The following TMEM94 variants were observed in gnomAD, a reference collection of about 807,000 sequenced individuals.
TMEM94 encodes the protein transmembrane protein 94, also known as ER Mg2+ ATPase.
Under a neutral mutation model 158.6 loss-of-function variants are expected in TMEM94, and 81 were observed. That is an observed-to-expected ratio of 0.51 (90% confidence interval 0.43 to 0.61). The LOEUF (loss-of-function observed/expected upper bound fraction) is 0.61, where lower values mean the gene tolerates loss of function less well. Among genes scored for constraint, TMEM94 ranks in the 20% least tolerant of loss-of-function variants. TMEM94 has a pLI of 0.00. For missense variants in TMEM94, 1,435 were observed against 1,762.0 expected, an observed-to-expected ratio of 0.81 and a Z score of 3.32; for synonymous variants, 751 against 730.7, an observed-to-expected ratio of 1.03 and a Z score of -0.45.
At chr17:75,490,077 CAAA>C (rs10712311) in intron 9 of TMEM94, 154 bp from the exon 10 acceptor site, 6,415 of 778,542 alleles carry the variant, frequency 8.2e-3, no homozygotes, top group South Asian at 0.012. Context: ...GACTCCGTCT[CAAA>C]AAAAAAAAAA....
intron 5 of TMEM94, among the ~76,000 whole-genome samples, chr17:75,486,877 T>C (rs1225696143): frequency 6.6e-6 from 1 of 151,338 alleles, no homozygotes; most frequent in East Asian, 1.9e-4. Context: ...GGGAGGGGAG[T>C]GGCTTGGATT....
At chr17:75,478,444 C>T (rs1024368958) in intron 2 of TMEM94, among the ~76,000 whole-genome samples, 4 of 151,810 alleles carry the variant, frequency 2.6e-5, no homozygotes, top group Non-Finnish European at 5.9e-5. Context: ...CTGACGGAAG[C>T]GGCACAGGAG....
In TMEM94 at chr17:75,491,920, C is replaced by T. The variant is rs372890860; in HGVS notation, c.1596+20C>T. 2.6e-5 allele frequency: 41 copies of T among 1,594,114 alleles called. No homozygotes were observed. The highest frequency in any genetic ancestry group is 3.4e-4 in the Middle Eastern group (2 of 5,924). On this transcript the variant is annotated intron_variant, in intron 14 of 31. Transcript: ENST00000314256. The surrounding 1 kb of genome is among the most constrained non-coding windows in gnomAD (Gnocchi z 5.1). ...AGCAAGGTGACGGGAGGGGGTGGCA[C>T]GGGGCAGCCACACCCTCGGCCACAG...
At position 75,498,335 on chromosome 17, in the gene TMEM94, C is replaced by T. The variant is rs778104679; in HGVS notation, c.3638+12C>T. ...GTCATGCTGCCCAGGTGGGTCCCAGCCCCAGAGATCCACCCATCGCCTGCC... is the reference window on the plus strand; with the variant it reads ...GTCATGCTGCCCAGGTGGGTCCCAGTCCCAGAGATCCACCCATCGCCTGCC... On this transcript the variant is annotated intron_variant, in intron 28 of 31. Coordinates refer to ENST00000314256, the MANE Select transcript of TMEM94 (RefSeq NM_014738.6). This position sits in a 1 kb window ranked among gnomAD's most constrained non-coding sequence, Gnocchi z 6.7. 5 of 1,612,894 alleles carry T rather than the reference C, an allele frequency of 3.1e-6. No individual in the cohort carries two copies. The highest frequency in any genetic ancestry group is 3.4e-6 in the Non-Finnish European group (4 of 1,179,986).
In TMEM94 at chr17:75,499,012, T is replaced by C. The variant is rs772454073; in HGVS notation, c.3928T>C (p.Trp1310Arg). 1 of 1,604,176 alleles carries C rather than the reference T, an allele frequency of 6.2e-7. No homozygotes were observed. Among genetic ancestry groups the C allele is most frequent in the African/African-American group, 1.3e-5 (1 of 74,958 alleles). The change falls in exon 31 of 32, where the codon TGG (tryptophan) becomes CGG (arginine). Residue 1310 changes from tryptophan to arginine, a missense_variant. Around this residue, in one of 3 missense-constraint regions of TMEM94, gnomAD observed 335 missense variants for 409.1 expected, o/e 0.82. Coordinates refer to ENST00000314256, the MANE Select transcript of TMEM94 (RefSeq NM_014738.6). ...CCTGGAGGACGTGCCCCTGCTGACATGGCTCCTGGGCTGCCTGTCCCTGGT... is the reference window on the plus strand; with the variant it reads ...CCTGGAGGACGTGCCCCTGCTGACACGGCTCCTGGGCTGCCTGTCCCTGGT... The part of the protein sequence containing the change: ...FGLEDVPLLT[W>R]LLGCLSLVLV...
chr17:75,470,666 C>T (rs2050463425), intron 1 of TMEM94, among the ~76,000 whole-genome samples: 1 of 151,672 alleles, frequency 6.6e-6, no homozygotes, highest in South Asian at 2.1e-4. Flanking sequence ...GATCGCGCCA[C>T]TGCACTCCAG....
chr17:75,465,679 A>ATATATATATTTTT (rs1247855961), intron 1 of TMEM94, among the ~76,000 whole-genome samples: 16 of 124,846 alleles, frequency 1.3e-4, no homozygotes, highest in Non-Finnish European at 1.1e-4. Flanking sequence ...ATATATATAT[A>ATATATATATTTTT]TTTTTTTTTA....
chr17:75,462,702 G>T (rs1339595772), intron 1 of TMEM94, among the ~76,000 whole-genome samples: 1 of 149,902 alleles, frequency 6.7e-6, no homozygotes, highest in African/African-American at 2.5e-5. Context: ...AAAATATACA[G>T]TTCTAGGCTT....
chr17:75,493,878 T>G lies in TMEM94; in HGVS notation c.2369T>G (p.Ile790Ser), dbSNP rs770096188. 1 of 1,612,146 alleles carries G rather than the reference T, an allele frequency of 6.2e-7. No individual in the cohort carries two copies. ...TGCGAGCTGCCCAGCACCATCCCCA[T>G]CAAGCAGAACGCCCGCCGCAGCAGC... ...TMCELPSTIP[I>S]KQNARRSSWS... Residue 790 changes from isoleucine (I) to serine (S), a missense_variant, in exon 18 of 32, where the codon ATC becomes AGC. Physicochemically the swap from Ile to Ser is moderately radical, Grantham distance 142. Around this residue, in one of 3 missense-constraint regions of TMEM94, gnomAD observed 1,051 missense variants for 1,254.4 expected, o/e 0.84. Transcript: ENST00000314256.
intron 24 of TMEM94, 124 bp from the exon 25 acceptor site, chr17:75,496,606 A>T: frequency 2.9e-6 from 4 of 1,380,804 alleles, no homozygotes; most frequent in Non-Finnish European, 4.1e-6. Context: ...AGGCAGTTAC[A>T]TTCGCCTCTG....
At chr17:75,467,248 T>G (rs2050337550) in intron 1 of TMEM94, among the ~76,000 whole-genome samples, 1 of 152,192 alleles carries the variant, frequency 6.6e-6, no homozygotes, top group Middle Eastern at 3.4e-3. Flanking sequence ...GTGCTGGGGT[T>G]ACAGGTGTGA....
chr17:75,493,866 G>T lies in TMEM94; in HGVS notation c.2357G>T (p.Ser786Ile). 1 of 1,612,854 alleles carries T rather than the reference G, an allele frequency of 6.2e-7. No individual in the cohort carries two copies. The highest frequency in any genetic ancestry group is 8.5e-7 in the Non-Finnish European group (1 of 1,180,020). Residue 786 changes from serine (S) to isoleucine (I), a missense_variant, in exon 18 of 32, where the codon AGC (serine) becomes ATC (isoleucine). This residue lies in a region of TMEM94 where 1,051 missense variants were observed against 1,254.4 expected (regional missense o/e 0.84). Transcript: ENST00000314256. ...SSIFTMCELP[S>I]TIPIKQNARR... ...ATCTTCACCATGTGCGAGCTGCCCA[G>T]CACCATCCCCATCAAGCAGAACGCC...
chr17:75,471,872 A>T lies in TMEM94; in HGVS notation c.-34A>T. ...GAGCCTTCCTTTCAGGGGTGACCAC[A>T]TTCATCTGGGCATGCCTGCAGTACT... is the stretch of plus-strand genomic sequence containing the variant. On this transcript the variant is annotated 5_prime_UTR_variant, in exon 2 of 32. Coordinates refer to ENST00000314256, the MANE Select transcript of TMEM94 (RefSeq NM_014738.6). The T allele has an allele frequency of 6.2e-7, 1 of 1,613,664 alleles. No individual in the cohort carries two copies. The highest frequency in any genetic ancestry group is 8.5e-7 in the Non-Finnish European group (1 of 1,179,698).
At chr17:75,490,923 C>T (rs1209166560) in intron 11 of TMEM94, 126 bp from the exon 12 acceptor site, 1 of 941,086 alleles carries the variant, frequency 1.1e-6, no homozygotes. Context: ...TGTCCACACC[C>T]TGTCCCAGAG....
rs1422323450 is a variant in TMEM94 at position 75,491,611 on chromosome 17, A to C, written c.1387-80A>C. The C allele has an allele frequency of 9.6e-6, 15 of 1,556,940 alleles. No individual in the cohort carries two copies. Among genetic ancestry groups the C allele is most frequent in the Non-Finnish European group, 1.3e-5 (15 of 1,136,588 alleles). ...TGGGCAGGTGAGGTGAAGACAAGGC[A>C]GCCAGGGGACCTAGAAGCATCCTGC... On this transcript the variant is annotated intron_variant, in intron 13 of 31. Transcript: ENST00000314256. This position sits in a 1 kb window ranked among gnomAD's most constrained non-coding sequence, Gnocchi z 5.1.
Position 75,498,063 on chromosome 17 carries a change from C to A in TMEM94, c.3490-112C>A. 2 of 1,426,948 alleles carry A rather than the reference C, an allele frequency of 1.4e-6. No homozygotes were observed. The allele number at this position is 1,426,948 out of a possible 1,614,324, so 88.4% of individuals were successfully genotyped here. ...AGACCCTTGCTGGGGCTTGAGCTCC[C>A]TATCCCCCCAGGCCTGACCATTTAC... On this transcript the variant is annotated intron_variant, in intron 27 of 31. Transcript: ENST00000314256. This position sits in a 1 kb window ranked among gnomAD's most constrained non-coding sequence, Gnocchi z 6.7.
chr17:75,493,122 G>C lies in TMEM94; in HGVS notation c.2086+20G>C, dbSNP rs368434040. 3 of 1,609,402 alleles carry C rather than the reference G, an allele frequency of 1.9e-6. No individual in the cohort carries two copies. The African/African-American group carries it at 4.0e-5, about 21-fold the overall frequency. ...CCACCAGTGAGCCCTGGCTACGTTG[G>C]CCAGCACCAGGCGAGACCTTCCAGA... On this transcript the variant is annotated intron_variant, in intron 16 of 31. Transcript: ENST00000314256.
In TMEM94 at chr17:75,488,825, C is replaced by G. The variant is rs1483007537; in HGVS notation, c.679C>G (p.Arg227Gly). ...FPPFSPPPSPRGEVERGPQSP... is the reference protein window; with the variant it reads ...FPPFSPPPSPGGEVERGPQSP... ...CCCCTTCTCCCCTCCACCCTCACCCCGGGGAGAAGTGGAGAGAGGGCCACA... is the reference window on the plus strand; with the variant it reads ...CCCCTTCTCCCCTCCACCCTCACCCGGGGGAGAAGTGGAGAGAGGGCCACA... Residue 227 changes from arginine to glycine, a missense_variant, in exon 7 of 32, where the codon CGG becomes GGG. Arg to Gly is a moderately radical substitution (Grantham distance 125, BLOSUM62 -2). This residue lies in a region of TMEM94 where 1,051 missense variants were observed against 1,254.4 expected (regional missense o/e 0.84). Transcript: ENST00000314256. The G allele has an allele frequency of 1.2e-6, 2 of 1,612,830 alleles. No individual in the cohort carries two copies. Among genetic ancestry groups the G allele is most frequent in the Non-Finnish European group, 1.7e-6 (2 of 1,179,238 alleles).
chr17:75,496,080 G>A lies in TMEM94; in HGVS notation c.3053+6G>A. The A allele has an allele frequency of 6.2e-7, 1 of 1,605,696 alleles. No individual in the cohort carries two copies. The highest frequency in any genetic ancestry group is 8.5e-7 in the Non-Finnish European group (1 of 1,176,236). The stretch of plus-strand genomic sequence containing the variant: ...TTCCTCCAGAGCGACATCAGGTCAG[G>A]GCGGGACCCTGGAGCCTGCGGGCCA... On this transcript the variant is annotated splice_donor_region_variant and intron_variant, in intron 23 of 31. Coordinates refer to ENST00000314256, the MANE Select transcript of TMEM94 (RefSeq NM_014738.6).
Sources: allele counts gnomAD v4.1 joint callset (sites outside exome capture counted in the v4.1 genomes callset), GRCh38; gene constraint gnomAD v4.1.1; regional missense constraint gnomAD v4.1.1; non-coding constraint Gnocchi (gnomAD v3.1); transcripts MANE v1.5; gene names NCBI Gene and HGNC (gene_info 2026-07-23, HGNC 2026-07-21).